FAM171B: variants seen among roughly 807,000 people sequenced by gnomAD.
FAM171B encodes protein FAM171B.
Under a neutral mutation model 75.6 loss-of-function variants are expected in FAM171B, and 19 were observed. The ratio of observed to expected loss-of-function variants is 0.25; its 90% CI spans 0.18 to 0.37. The LOEUF (loss-of-function observed/expected upper bound fraction) is 0.37, where lower values mean the gene tolerates loss of function less well. FAM171B is among the 10% of genes least tolerant of loss of function. The pLI, the probability that FAM171B is intolerant of heterozygous loss-of-function variation, is 1.00. For synonymous variants in FAM171B, 367 were observed against 361.7 expected (o/e 1.01, Z -0.17); for missense variants, 848 against 982.4 (o/e 0.86, Z 1.83).
chr2:186,746,720 G>A, intron 3 of FAM171B, among the ~76,000 whole-genome samples: 1 of 152,114 alleles, frequency 6.6e-6, no homozygotes, highest in East Asian at 1.9e-4. Flanking sequence ...ACAAATCACT[G>A]TGGCCAAGAG....
chr2:186,711,459 A>T (rs1463706878), intron 1 of FAM171B, among the ~76,000 whole-genome samples: 1 of 152,112 alleles, frequency 6.6e-6, no homozygotes, highest in East Asian at 1.9e-4. Context: ...AGATGTAAAA[A>T]CTGGGAGTTG....
chr2:186,744,015 C>T (rs949338635), intron 3 of FAM171B, among the ~76,000 whole-genome samples: 6 of 152,096 alleles, frequency 3.9e-5, no homozygotes, highest in Non-Finnish European at 7.4e-5. Context: ...GCTCTGTAGA[C>T]GTGATTTGCC....
intron 1 of FAM171B, among the ~76,000 whole-genome samples, chr2:186,719,013 C>T (rs1267139526): frequency 6.6e-6 from 1 of 152,170 alleles, no homozygotes; most frequent in Non-Finnish European, 1.5e-5. Flanking sequence ...TCGTGCTGTG[C>T]TATTCTTTAA....
intron 1 of FAM171B, among the ~76,000 whole-genome samples, chr2:186,726,635 T>C (rs1690037902): frequency 6.6e-6 from 1 of 152,162 alleles, no homozygotes. Flanking sequence ...TTTTTTATAG[T>C]AGTAAAAATA....
chr2:186,747,212 A>G lies in FAM171B; in HGVS notation c.686A>G (p.Asn229Ser), dbSNP rs756630153. The change falls in exon 4 of 8, where the codon AAT becomes AGT. Residue 229 changes from asparagine to serine, a missense_variant. By Grantham distance (46) the Asn-to-Ser change is conservative (BLOSUM62 1). Around this residue, in one of 3 missense-constraint regions of FAM171B, gnomAD observed 665 missense variants for 729.0 expected, o/e 0.91. Coordinates refer to ENST00000304698, the MANE Select transcript of FAM171B (RefSeq NM_177454.4). ...TVLQQFLKVD[N>S]FLHTTGITLN... is the part of the protein sequence containing the mutation. ...CTACAACAGTTTTTGAAAGTGGACA[A>G]TTTTCTGCATACAACTGGAATTACT... 3 of 1,605,908 alleles carry G rather than the reference A, an allele frequency of 1.9e-6. No homozygotes were observed. The highest frequency in any genetic ancestry group is 3.4e-5 in the Admixed American group (2 of 58,402).
chr2:186,728,907 G>A (rs962952759), intron 1 of FAM171B, among the ~76,000 whole-genome samples: 4 of 152,036 alleles, frequency 2.6e-5, no homozygotes, highest in Non-Finnish European at 4.4e-5. Flanking sequence ...ACATAAAGAC[G>A]TAAATGTCAC....
intron 1 of FAM171B, among the ~76,000 whole-genome samples, chr2:186,705,893 G>A (rs1158996340): frequency 1.3e-5 from 2 of 152,102 alleles, no homozygotes; most frequent in Non-Finnish European, 2.9e-5. Flanking sequence ...CTGATAAATC[G>A]CATGACTTGA....
intron 1 of FAM171B, among the ~76,000 whole-genome samples, chr2:186,731,258 G>A (rs1559086902): frequency 6.6e-6 from 1 of 152,166 alleles, no homozygotes; most frequent in Non-Finnish European, 1.5e-5. Context: ...TACAAGAAAT[G>A]AAAGGGCTTT....
intron 1 of FAM171B, among the ~76,000 whole-genome samples, chr2:186,730,809 C>G (rs1169557348): frequency 2.0e-5 from 3 of 151,816 alleles, no homozygotes; most frequent in African/African-American, 7.3e-5. Context: ...TGTACTTTTA[C>G]AAGGATGAAA....
chr2:186,762,002 T>A lies in FAM171B; in HGVS notation c.1660T>A (p.Leu554Ile). 1 of 1,613,548 alleles carries A rather than the reference T, an allele frequency of 6.2e-7. No homozygotes were observed. Among genetic ancestry groups the A allele is most frequent in the Non-Finnish European group, 8.5e-7 (1 of 1,179,782 alleles). Reference sequence around the variant, plus strand: ...TGACCTTTTCTCCACACCGGAACAATTACATACTGCTAAGTCAGCTACTTT... The same window carrying A: ...TGACCTTTTCTCCACACCGGAACAAATACATACTGCTAAGTCAGCTACTTT... ...TSDLFSTPEQ[L>I]HTAKSATLPR... The change falls in exon 8 of 8, where the codon TTA becomes ATA. Residue 554 changes from leucine to isoleucine, a missense_variant. Physicochemically the swap from Leu to Ile is conservative, Grantham distance 5 (BLOSUM62 2). Transcript: ENST00000304698. The surrounding 1 kb of genome is among the most constrained non-coding windows in gnomAD (Gnocchi z 4.0).
chr2:186,718,254 CT>C (rs1169259022), intron 1 of FAM171B, among the ~76,000 whole-genome samples: 1 of 152,194 alleles, frequency 6.6e-6, no homozygotes, highest in East Asian at 1.9e-4. Flanking sequence ...CCAAAAAGGT[CT>C]TGTCACACAC....
In FAM171B at chr2:186,694,843, G is replaced by T. The variant is rs549089615; in HGVS notation, c.238+432G>T. Among the ~76,000 whole-genome samples, 30 of 150,960 alleles carry T rather than the reference G, an allele frequency of 2.0e-4. No individual in the cohort carries two copies. In the South Asian group the frequency reaches 5.9e-3, roughly 30 times the overall value. On this transcript the variant is annotated intron_variant, in intron 1 of 7. Transcript: ENST00000304698. ...TTGTTCTCTATCCTTTTCTCTCCTA[G>T]AGACTGAGAAATCTTGCCATGGACA...
intron 1 of FAM171B, among the ~76,000 whole-genome samples, chr2:186,699,810 G>T (rs1357077724): frequency 6.6e-6 from 1 of 152,082 alleles, no homozygotes; most frequent in African/African-American, 2.4e-5. Context: ...TATGGTGAGG[G>T]ATAGGGGTCT....
rs761267739 is a variant in FAM171B at position 186,761,834 on chromosome 2, A to G, written c.1492A>G (p.Asn498Asp). ...AGGGTCCAAACAACCTAAACATATT[A>G]ACAACAATCTATCTTCATCTCTAGG... ...NVGSKQPKHINNNLSSSLGDA... is the reference protein window; with the variant it reads ...NVGSKQPKHIDNNLSSSLGDA... Residue 498 changes from asparagine to aspartate, a missense_variant, in exon 8 of 8, where the codon AAC becomes GAC. By Grantham distance (23) the Asn-to-Asp change is conservative. Transcript: ENST00000304698. 8.1e-6 allele frequency: 13 copies of G among 1,613,138 alleles called. 1 individual carries two copies. The Admixed American group carries it at 1.5e-4, about 19-fold the overall frequency.
At chr2:186,752,731 G>C (rs569161124) in intron 5 of FAM171B, among the ~76,000 whole-genome samples, 1 of 152,224 alleles carries the variant, frequency 6.6e-6, no homozygotes, top group Admixed American at 6.5e-5. Context: ...AAAAGCAATA[G>C]ATTAAATTAT....
At position 186,762,215 on chromosome 2, in the gene FAM171B, A is replaced by G; in HGVS notation, c.1873A>G (p.Ser625Gly). Residue 625 changes from serine to glycine, a missense_variant, in exon 8 of 8, where the codon AGC (serine) becomes GGC (glycine). By Grantham distance (56) the Ser-to-Gly change is moderately conservative (BLOSUM62 0). Transcript: ENST00000304698. The surrounding 1 kb of genome is among the most constrained non-coding windows in gnomAD (Gnocchi z 4.0). ...GGCTTCAGATTGGAGCCGATACTCA[A>G]GCAGCTTACTGGAATCCGTCTCTGT... ...SQASDWSRYS[S>G]SLLESVSVPG... 4.3e-6 allele frequency: 7 copies of G among 1,613,772 alleles called. No homozygotes were observed. The highest frequency in any genetic ancestry group is 5.9e-6 in the Non-Finnish European group (7 of 1,179,806).
intron 1 of FAM171B, among the ~76,000 whole-genome samples, chr2:186,716,345 T>C (rs1689874611): frequency 6.6e-6 from 1 of 152,154 alleles, no homozygotes; most frequent in African/African-American, 2.4e-5. Context: ...AAATCAGAGA[T>C]AGAATCAAGC....
intron 1 of FAM171B, among the ~76,000 whole-genome samples, chr2:186,729,657 G>GT (rs975286338): frequency 2.8e-4 from 43 of 152,016 alleles, no homozygotes; most frequent in Admixed American, 1.9e-3. Flanking sequence ...TTCAGCTGAG[G>GT]TTTTTTTTGT....
chr2:186,699,435 T>C (rs1689626578), intron 1 of FAM171B, among the ~76,000 whole-genome samples: 1 of 152,198 alleles, frequency 6.6e-6, no homozygotes, highest in South Asian at 2.1e-4. Context: ...TTTTGAGAAA[T>C]ATCTATGCAG....
Sources: gnomAD v4.1 joint callset for allele counts (sites outside exome capture counted in the v4.1 genomes callset) on GRCh38, gnomAD v4.1.1 for gene constraint, gnomAD v4.1.1 regional missense constraint, Gnocchi (gnomAD v3.1) non-coding constraint, MANE v1.5 for transcripts, NCBI Gene and HGNC (gene_info 2026-07-23, HGNC 2026-07-21) for gene names.